The following ATAD3C variants were observed in gnomAD, a reference collection of about 807,000 sequenced individuals.
ATAD3C encodes ATPase family AAA domain-containing protein 3C.
ATAD3C carries 38 observed loss-of-function variants against 46.3 expected under a neutral mutation model. The ratio of observed to expected loss-of-function variants is 0.82; its 90% confidence interval spans 0.63 to 1.08. The LOEUF (loss-of-function observed/expected upper bound fraction) is 1.08, where lower values mean the gene tolerates loss of function less well. Ranked by LOEUF, ATAD3C falls within the 50% of genes least tolerant of loss-of-function variation. The probability of loss-of-function intolerance (pLI) is 0.00; values close to 1 mark genes in which losing one functional copy is unlikely to be tolerated. For synonymous variants in ATAD3C, 220 were observed against 236.4 expected, an observed-to-expected ratio of 0.93 and a Z score of 0.63; for missense variants, 563 against 572.7, an observed-to-expected ratio of 0.98 and a Z score of 0.17.
rs374914004 is a variant in ATAD3C, at chr1:1,455,494, A to G, written c.413A>G (p.Asp138Gly). The G allele has an allele frequency of 1.3e-4, 203 of 1,612,470 alleles. No individual in the cohort carries two copies. In the African/African-American group the frequency reaches 2.5e-3, roughly 20 times the overall value. Residue 138 changes from aspartate (D) to glycine (G), a missense_variant, in exon 5 of 12, where the codon GAC becomes GGC. Physicochemically the swap from Asp to Gly is moderately conservative, Grantham distance 94. Coordinates refer to ENST00000378785, the MANE Select transcript of ATAD3C (RefSeq NM_001039211.3). Reference sequence around the variant, plus strand: ...CGGCGGCTCCTCAGTCGACCCCAGGACGTGCTGGAGGGTGTTGTGCTTAGT... The same window carrying G: ...CGGCGGCTCCTCAGTCGACCCCAGGGCGTGCTGGAGGGTGTTGTGCTTAGT... Reference protein sequence around the residue: ...VSRRLLSRPQDVLEGVVLSPS... With the variant: ...VSRRLLSRPQGVLEGVVLSPS...
Position 1,469,413 on chromosome 1 carries a change from T to C in ATAD3C, c.*883T>C. ...GTTGCAGTGAGCCAAGATCGCACCA[T>C]TGCACTCCAGCCTGGATGATAGAGT... On this transcript the variant is annotated 3_prime_UTR_variant, in exon 12 of 12. Coordinates refer to ENST00000378785, the MANE Select transcript of ATAD3C (RefSeq NM_001039211.3). 1 of 147,672 alleles carries C rather than the reference T, an allele frequency of 6.8e-6. No homozygotes were observed. Among genetic ancestry groups the C allele is most frequent in the Non-Finnish European group, 1.5e-5 (1 of 67,260 alleles). The allele number at this position is 147,672 out of a possible 1,614,324, so 9.1% of individuals were successfully genotyped here. A position where few individuals can be genotyped will look rare whatever the true frequency, so the allele number is the denominator to read the frequency against.
At chr1:1,468,268 C>G in intron 11 of ATAD3C, 116 bp from the exon 12 acceptor site, 1 of 1,440,016 alleles carries the variant, frequency 6.9e-7, no homozygotes, top group Non-Finnish European at 9.2e-7. Flanking sequence ...CTGTGTTTCA[C>G]GCTCAGGCCA....
rs535552350 is a variant in ATAD3C, at chr1:1,457,121, G to A, written c.690-8G>A. On this transcript the variant is annotated splice_polypyrimidine_tract_variant and splice_region_variant and intron_variant, in intron 7 of 11. Coordinates refer to ENST00000378785, the MANE Select transcript of ATAD3C (RefSeq NM_001039211.3). ...TCTCACCCAGCTTGGCCTCCCTCTC[G>A]TCCACAGCCTCCTGCTCTTTGTGGA... The A allele has an allele frequency of 4.6e-5, 75 of 1,613,222 alleles. No homozygotes were observed. Among genetic ancestry groups the A allele is most frequent in the Non-Finnish European group, 5.7e-5 (67 of 1,179,596 alleles).
Position 1,460,861 on chromosome 1 carries a change from C to G in ATAD3C, c.924C>G (p.Arg308=), listed in dbSNP as rs1264820031. ...FDLPGQEERA[R]LVRMYLNEYV... ...TGCCAGGGCAGGAGGAGCGGGCGCG[C>G]CTGGTGAGAATGTATCTTAACGAGT... Residue 308 remains arginine, a synonymous_variant, in exon 10 of 12, where the codon CGC becomes CGG. Transcript: ENST00000378785. 2 of 1,613,128 alleles carry G rather than the reference C, an allele frequency of 1.2e-6. No homozygotes were observed. Among genetic ancestry groups the G allele is most frequent in the Admixed American group, 1.7e-5 (1 of 59,942 alleles).
intron 8 of ATAD3C, among the ~76,000 whole-genome samples, chr1:1,458,532 G>A (rs532356625): frequency 2.6e-5 from 4 of 151,578 alleles, no homozygotes; most frequent in Admixed American, 6.6e-5. Context: ...TGCCTACCTC[G>A]GCCTCCCAAA....
chr1:1,465,546 G>A lies in ATAD3C; in HGVS notation c.1089+2838G>A, dbSNP rs181325696. 3.2e-3 allele frequency among the ~76,000 whole-genome samples: 473 copies of A among 145,712 alleles called. 4 individuals are homozygous for A. Among genetic ancestry groups the A allele is most frequent in the African/African-American group, 0.012 (451 of 39,048 alleles). On this transcript the variant is annotated intron_variant, in intron 11 of 11. Transcript: ENST00000378785. ...GCGGAGCTTGCAGTGAGCCGAGATC[G>A]TGCCACTGCACTCCAGCCTGGGCGA...
In ATAD3C at chr1:1,459,453, C is replaced by A. The variant is rs1639021385; in HGVS notation, c.812+222C>A. Among the ~76,000 whole-genome samples, 1 of 151,910 alleles carries A rather than the reference C, an allele frequency of 6.6e-6. No individual in the cohort carries two copies. Among genetic ancestry groups the A allele is most frequent in the South Asian group, 2.1e-4 (1 of 4,818 alleles). On this transcript the variant is annotated intron_variant, in intron 9 of 11. Coordinates refer to ENST00000378785, the MANE Select transcript of ATAD3C (RefSeq NM_001039211.3). This position sits in a 1 kb window ranked among gnomAD's most constrained non-coding sequence, Gnocchi z 4.9. Reference sequence around the variant, plus strand: ...CCTCCCGGGCAGAGCTGGGGTCAGTCCTGTCCTCACGGCCCTGTGCACCGC... The same window carrying A: ...CCTCCCGGGCAGAGCTGGGGTCAGTACTGTCCTCACGGCCCTGTGCACCGC...
Position 1,468,862 on chromosome 1 carries a change from C to T in ATAD3C, c.*332C>T, listed in dbSNP as rs1367510270. Reference sequence around the variant, plus strand: ...GGTGCCCCTTCGCCTCCCTCCCCTCCGCCAGAGCTGCCTGTGGCCAGACAC... The same window carrying T: ...GGTGCCCCTTCGCCTCCCTCCCCTCTGCCAGAGCTGCCTGTGGCCAGACAC... On this transcript the variant is annotated 3_prime_UTR_variant, in exon 12 of 12. Coordinates refer to ENST00000378785, the MANE Select transcript of ATAD3C (RefSeq NM_001039211.3). 4.1e-5 allele frequency: 13 copies of T among 316,172 alleles called. No individual in the cohort carries two copies. Among genetic ancestry groups the T allele is most frequent in the Middle Eastern group, 1.0e-3 (1 of 964 alleles). The allele number at this position is 316,172 out of a possible 1,614,324, so 19.6% of individuals were successfully genotyped here.
At chr1:1,455,679 C>A in intron 5 of ATAD3C, 112 bp from the exon 6 acceptor site, 4 of 1,560,660 alleles carry the variant, frequency 2.6e-6, no homozygotes, top group Non-Finnish European at 2.6e-6. Context: ...TGCCCACGAG[C>A]TGGGTGGCTC....
chr1:1,453,861 C>T (rs1393933274), intron 3 of ATAD3C, among the ~76,000 whole-genome samples: 3 of 150,222 alleles, frequency 2.0e-5, no homozygotes, highest in Non-Finnish European at 3.0e-5. Context: ...GGCTGGTCTT[C>T]AACTCTCGAC....
intron 11 of ATAD3C, among the ~76,000 whole-genome samples, chr1:1,467,110 C>T (rs967310041): frequency 1.1e-4 from 17 of 152,022 alleles, no homozygotes; most frequent in African/African-American, 3.9e-4. Context: ...TGGACCCACC[C>T]GCGACCAGGT....
At chr1:1,455,421 G>T (rs748429929) in intron 4 of ATAD3C, 39 bp from the exon 5 acceptor site, 1 of 1,607,166 alleles carries the variant, frequency 6.2e-7, no homozygotes, top group Non-Finnish European at 8.5e-7. Flanking sequence ...TTCCGTGGCT[G>T]TGGCAGGTGA....
In ATAD3C at chr1:1,468,572, CCCTCCCA is replaced by C; in HGVS notation, c.*45_*51del. The C allele has an allele frequency of 6.3e-7, 1 of 1,580,762 alleles. No homozygotes were observed. The highest frequency in any genetic ancestry group is 2.3e-5 in the East Asian group (1 of 43,548). ...CACCTCACGGAGCCTGGCCGCGGAC[CCCTCCCA>C]CCCCTGCCTTTGCGGCCCCGCACAT... On this transcript the variant is annotated 3_prime_UTR_variant, in exon 12 of 12. Transcript: ENST00000378785.
intron 8 of ATAD3C, among the ~76,000 whole-genome samples, chr1:1,458,868 G>A (rs940127617): frequency 2.6e-5 from 4 of 151,764 alleles, no homozygotes; most frequent in Non-Finnish European, 5.9e-5. Context: ...GACCACAGGT[G>A]TGCCACCACG....
rs146819888 is a variant in ATAD3C at position 1,466,190 on chromosome 1, C to T, written c.1090-2194C>T. ...GCGGCAAGCAGAGGTTGCGGTGAGC[C>T]GAGATCCTGCCATTGCACCCCAGCC... On this transcript the variant is annotated intron_variant, in intron 11 of 11. Transcript: ENST00000378785. Among the ~76,000 whole-genome samples the T allele has an allele frequency of 4.8e-3, 705 of 147,772 alleles. 11 individuals are homozygous for T. The highest frequency in any genetic ancestry group is 0.017 in the African/African-American group (685 of 39,806).
chr1:1,465,465 C>T lies in ATAD3C; in HGVS notation c.1089+2757C>T, dbSNP rs532581221. Among the ~76,000 whole-genome samples the T allele has an allele frequency of 5.3e-5, 8 of 151,200 alleles. No homozygotes were observed. The East Asian group carries it at 1.6e-3, about 30-fold the overall frequency. On this transcript the variant is annotated intron_variant, in intron 11 of 11. Coordinates refer to ENST00000378785, the MANE Select transcript of ATAD3C (RefSeq NM_001039211.3). ...AATTAGCCGGGCGTGGCGGCAGGTG[C>T]CTGTAGTCCCAGCTACTCGGGAGGC...
Position 1,459,926 on chromosome 1 carries a change from G to C in ATAD3C, c.812+695G>C, listed in dbSNP as rs370177752. Among the ~76,000 whole-genome samples the C allele has an allele frequency of 5.3e-5, 8 of 152,022 alleles. No homozygotes were observed. The highest frequency in any genetic ancestry group is 4.2e-4 in the South Asian group (2 of 4,818). Reference sequence around the variant, plus strand: ...CGGCCGTGGCTGACTCCTCAGGCACGTTGGGCTCCTGGGTCAGCTGCTGCC... The same window carrying C: ...CGGCCGTGGCTGACTCCTCAGGCACCTTGGGCTCCTGGGTCAGCTGCTGCC... On this transcript the variant is annotated intron_variant, in intron 9 of 11. Coordinates refer to ENST00000378785, the MANE Select transcript of ATAD3C (RefSeq NM_001039211.3). The surrounding 1 kb of genome is among the most constrained non-coding windows in gnomAD (Gnocchi z 4.9).
chr1:1,468,811 C>A lies in ATAD3C; in HGVS notation c.*281C>A. 1 of 495,830 alleles carries A rather than the reference C, an allele frequency of 2.0e-6. No homozygotes were observed. The highest frequency in any genetic ancestry group is 3.5e-6 in the Non-Finnish European group (1 of 283,740). 30.7% of individuals were successfully genotyped at this position (495,830 alleles called of 1,614,324 possible). Reference sequence around the variant, plus strand: ...GCCACGGCGGGGCCGGGTGCCCGTGCCCCATCCTGAGGCCGTGCATACGCG... The same window carrying A: ...GCCACGGCGGGGCCGGGTGCCCGTGACCCATCCTGAGGCCGTGCATACGCG... On this transcript the variant is annotated 3_prime_UTR_variant, in exon 12 of 12. Coordinates refer to ENST00000378785, the MANE Select transcript of ATAD3C (RefSeq NM_001039211.3).
rs749913738 is a variant in ATAD3C, at chr1:1,454,532, C to T, written c.378+32C>T. 37 of 1,591,852 alleles carry T rather than the reference C, an allele frequency of 2.3e-5. No individual in the cohort carries two copies. The South Asian group carries it at 3.3e-4, about 14-fold the overall frequency. On this transcript the variant is annotated intron_variant, in intron 4 of 11. Transcript: ENST00000378785. ...GCGCAGGCCTGGCCCTCCCTGAGTG[C>T]AAGTGCCTGGCTGAGTCCCTTCTGC... is the stretch of plus-strand genomic sequence containing the variant.
Sources: gnomAD v4.1 joint callset for allele counts (sites outside exome capture counted in the v4.1 genomes callset) on GRCh38, gnomAD v4.1.1 for gene constraint, Gnocchi (gnomAD v3.1) non-coding constraint, MANE v1.5 for transcripts, NCBI Gene and HGNC (gene_info 2026-07-23, HGNC 2026-07-21) for gene names.